The following SNTG1 variants were observed in gnomAD, a reference collection of about 807,000 sequenced individuals.
SNTG1 encodes gamma-1-syntrophin.
SNTG1 carries 39 observed loss-of-function variants against 74.7 expected under a neutral mutation model. The observed-to-expected ratio is 0.52, with a 90% confidence interval of 0.40 to 0.68. SNTG1 has a LOEUF of 0.68. Ranked by LOEUF, SNTG1 falls within the 30% of genes least tolerant of loss-of-function variation. SNTG1 has a pLI of 0.00. For missense variants in SNTG1, 685 were observed against 609.5 expected, an observed-to-expected ratio of 1.12 and a Z score of -1.30; for synonymous variants, 254 against 217.1, an observed-to-expected ratio of 1.17 and a Z score of -1.49.
intron 18 of SNTG1, among the ~76,000 whole-genome samples, chr8:50,792,080 ATT>A (rs33919155): frequency 8.4e-4 from 120 of 143,038 alleles, no homozygotes; most frequent in African/African-American, 2.7e-3. Context: ...GCTCTAGTTT[ATT>A]TTTTTTTTTT....
At chr8:50,420,540 G>C (rs901208372) in intron 4 of SNTG1, among the ~76,000 whole-genome samples, 23 of 151,728 alleles carry the variant, frequency 1.5e-4, no homozygotes, top group Non-Finnish European at 1.5e-5. Flanking sequence ...GAGAGGAAAT[G>C]GTTAAAGAAG....
At chr8:50,727,328 T>C (rs1198225167) in intron 17 of SNTG1, among the ~76,000 whole-genome samples, 1 of 152,194 alleles carries the variant, frequency 6.6e-6, no homozygotes, top group African/African-American at 2.4e-5. Flanking sequence ...ACTTCAAATA[T>C]ATCAATTTTA....
At chr8:50,778,686 G>A (rs2095648779) in intron 18 of SNTG1, among the ~76,000 whole-genome samples, 1 of 136,716 alleles carries the variant, frequency 7.3e-6, no homozygotes, top group Non-Finnish European at 1.5e-5. Context: ...TTCTTTTGCT[G>A]TGCAGAAGCT....
chr8:50,220,191 A>C (rs572580562), intron 2 of SNTG1, among the ~76,000 whole-genome samples: 1 of 152,204 alleles, frequency 6.6e-6, no homozygotes, highest in South Asian at 2.1e-4. Flanking sequence ...TCAACATCAC[A>C]TGAAATATGA....
intron 4 of SNTG1, among the ~76,000 whole-genome samples, chr8:50,409,424 T>C (rs565598013): frequency 2.6e-5 from 4 of 152,220 alleles, no homozygotes; most frequent in Non-Finnish European, 5.9e-5. Flanking sequence ...ATTGAGTTCA[T>C]ATCAGATAAA....
intron 18 of SNTG1, among the ~76,000 whole-genome samples, chr8:50,789,370 G>A (rs954036058): frequency 2.0e-5 from 3 of 151,896 alleles, no homozygotes; most frequent in Non-Finnish European, 4.4e-5. Context: ...TGGAGTCTCA[G>A]GGATGAGTGC....
intron 1 of SNTG1, among the ~76,000 whole-genome samples, chr8:49,980,755 C>A (rs925817887): frequency 4.0e-5 from 6 of 151,822 alleles, no homozygotes; most frequent in African/African-American, 1.5e-4. Context: ...GGGGTTTTTA[C>A]TGAAAAAGTA....
chr8:49,975,638 G>A (rs186767762), intron 1 of SNTG1, among the ~76,000 whole-genome samples: 1 of 152,094 alleles, frequency 6.6e-6, no homozygotes, highest in Admixed American at 6.6e-5. Context: ...TAACAGACAG[G>A]TTCTCTATAC....
intron 2 of SNTG1, among the ~76,000 whole-genome samples, chr8:50,236,476 A>C (rs1240816303): frequency 7.4e-6 from 1 of 136,032 alleles, no homozygotes; most frequent in Non-Finnish European, 1.5e-5. Context: ...TTTGAGACGC[A>C]GTCTCGCTCT....
chr8:50,420,070 C>T (rs80269430), intron 4 of SNTG1, among the ~76,000 whole-genome samples: 6 of 151,886 alleles, frequency 4.0e-5, no homozygotes, highest in African/African-American at 1.5e-4. Flanking sequence ...TGTATTTGAG[C>T]AGAGTCCCCT....
intron 1 of SNTG1, among the ~76,000 whole-genome samples, chr8:50,158,247 A>T (rs1012636838): frequency 2.0e-5 from 3 of 152,192 alleles, no homozygotes. Flanking sequence ...CTGGAATTTT[A>T]GAAAATTCTT....
At chr8:50,322,996 C>G (rs13274003) in intron 2 of SNTG1, among the ~76,000 whole-genome samples, 82,948 of 151,250 alleles carry the variant, frequency 0.55, 24,596 homozygotes, top group East Asian at 0.85. Flanking sequence ...CATGCCTGCA[C>G]TTCCAGCCAC....
chr8:50,382,677 A>C (rs1207978320), intron 2 of SNTG1, among the ~76,000 whole-genome samples: 1 of 152,228 alleles, frequency 6.6e-6, no homozygotes, highest in Non-Finnish European at 1.5e-5. Flanking sequence ...TCTTTTAGTC[A>C]ATTATTATCA....
At chr8:50,143,110 A>T (rs2081732320) in intron 1 of SNTG1, among the ~76,000 whole-genome samples, 1 of 152,050 alleles carries the variant, frequency 6.6e-6, no homozygotes, top group Non-Finnish European at 1.5e-5. Context: ...AAAATAAAAA[A>T]TAAATAAAGT....
chr8:50,140,278 T>C (rs77491452), intron 1 of SNTG1, among the ~76,000 whole-genome samples: 2 of 152,126 alleles, frequency 1.3e-5, no homozygotes, highest in Non-Finnish European at 2.9e-5. Context: ...TCCCACATTG[T>C]CACACATGGC....
intron 1 of SNTG1, among the ~76,000 whole-genome samples, chr8:50,130,985 C>T (rs2081299280): frequency 6.6e-6 from 1 of 151,858 alleles, no homozygotes; most frequent in Non-Finnish European, 1.5e-5. Context: ...CTTAATTTAA[C>T]AACAGCAAGG....
chr8:50,167,785 G>A lies in SNTG1; in HGVS notation c.-102-4776G>A, dbSNP rs28551618. 8.9e-3 allele frequency among the ~76,000 whole-genome samples: 1,320 copies of A among 149,076 alleles called. 23 individuals carry two copies. The highest frequency in any genetic ancestry group is 0.031 in the African/African-American group (1,271 of 40,634). On this transcript the variant is annotated intron_variant, in intron 1 of 18. Coordinates refer to ENST00000642720, the MANE Select transcript of SNTG1 (RefSeq NM_018967.5). ...TCATGATCACACCAGTGGACCCCAGGCTGGGCAAGTTTGCAAGATTCTATC... is the reference window on the plus strand; with the variant it reads ...TCATGATCACACCAGTGGACCCCAGACTGGGCAAGTTTGCAAGATTCTATC...
At chr8:50,515,244 A>C (rs538663969) in intron 9 of SNTG1, among the ~76,000 whole-genome samples, 10 of 151,884 alleles carry the variant, frequency 6.6e-5, no homozygotes, top group Admixed American at 4.6e-4. Flanking sequence ...TTCTTGTTGC[A>C]TATAAAAGTT....
chr8:50,199,676 G>A (rs958107128), intron 2 of SNTG1, among the ~76,000 whole-genome samples: 7 of 152,138 alleles, frequency 4.6e-5, no homozygotes, highest in South Asian at 2.1e-4. Context: ...AGTGCAGGTC[G>A]TCAGCTGCCC....
Sources: allele counts gnomAD v4.1 joint callset (sites outside exome capture counted in the v4.1 genomes callset), GRCh38; gene constraint gnomAD v4.1.1; transcripts MANE v1.5; gene names NCBI Gene and HGNC (gene_info 2026-07-23, HGNC 2026-07-21).